FAM107B: variants seen among roughly 807,000 people sequenced by gnomAD.
FAM107B encodes the protein family with sequence similarity 107 member B.
A neutral mutation model predicts 31.5 loss-of-function variants in FAM107B; 21 were observed. That is an observed-to-expected ratio of 0.67 (90% CI 0.47 to 0.96). The LOEUF (loss-of-function observed/expected upper bound fraction) is 0.96. Among genes scored for constraint, FAM107B ranks in the 40% least tolerant of loss-of-function variants. FAM107B has a pLI of 0.00. For synonymous variants in FAM107B, 157 were observed against 141.5 expected (o/e 1.11, Z -0.78); for missense variants, 452 against 377.1 (o/e 1.20, Z -1.64).
At chr10:14,685,147 T>C (rs150222388) in intron 1 of FAM107B, among the ~76,000 whole-genome samples, 5 of 146,566 alleles carry the variant, frequency 3.4e-5, no homozygotes, top group African/African-American at 1.3e-4. Context: ...CTTTTATTTT[T>C]TTTTTTTTTT....
chr10:14,525,565 C>A (rs757914441), intron 3 of FAM107B, among the ~76,000 whole-genome samples: 4 of 152,218 alleles, frequency 2.6e-5, no homozygotes, highest in Non-Finnish European at 5.9e-5. Context: ...TACCCATCAA[C>A]CCCTACCTAT....
At chr10:14,628,121 T>TG (rs1554841911) in intron 2 of FAM107B, among the ~76,000 whole-genome samples, 26 of 121,820 alleles carry the variant, frequency 2.1e-4, no homozygotes, top group East Asian at 5.2e-4. Flanking sequence ...GGTTTTTTTT[T>TG]TTTTTTTTTT....
chr10:14,623,288 G>A (rs1435246057), intron 2 of FAM107B, among the ~76,000 whole-genome samples: 1 of 152,208 alleles, frequency 6.6e-6, no homozygotes, highest in Non-Finnish European at 1.5e-5. Context: ...ACAGAAGTAG[G>A]TGGAGGACAG....
At chr10:14,725,547 T>G (rs545894592) in intron 1 of FAM107B, among the ~76,000 whole-genome samples, 2 of 152,122 alleles carry the variant, frequency 1.3e-5, no homozygotes, top group South Asian at 4.2e-4. Flanking sequence ...AAGACCCCCT[T>G]CCTGGTTTGC....
At chr10:14,616,605 C>G (rs1364290835) in intron 2 of FAM107B, among the ~76,000 whole-genome samples, 2 of 152,154 alleles carry the variant, frequency 1.3e-5, no homozygotes, top group Non-Finnish European at 2.9e-5. Flanking sequence ...AGAGTAAGAA[C>G]AGCAATAATG....
chr10:14,620,891 A>G (rs1331575811), intron 2 of FAM107B, among the ~76,000 whole-genome samples: 1 of 152,238 alleles, frequency 6.6e-6, no homozygotes, highest in Non-Finnish European at 1.5e-5. Context: ...TTTCCAGCAT[A>G]CAAACCTTAC....
intron 3 of FAM107B, among the ~76,000 whole-genome samples, chr10:14,522,441 T>C (rs1262406730): frequency 2.0e-5 from 3 of 146,774 alleles, no homozygotes; most frequent in Non-Finnish European, 3.0e-5. Flanking sequence ...TGAGACAGAG[T>C]CTCACTCTGT....
intron 2 of FAM107B, among the ~76,000 whole-genome samples, chr10:14,568,450 A>G (rs58579544): frequency 0.021 from 343 of 16,224 alleles, 2 homozygotes; most frequent in South Asian, 0.035. Flanking sequence ...TACTCAGGTA[A>G]GAGGAGGCTG....
At chr10:14,554,798 A>G (rs1378970863) in intron 2 of FAM107B, among the ~76,000 whole-genome samples, 1 of 152,224 alleles carries the variant, frequency 6.6e-6, no homozygotes, top group Non-Finnish European at 1.5e-5. Context: ...CTCTACCAAA[A>G]AAGTGGGTGA....
chr10:14,758,959 ACCT>A (rs1421086997), intron 1 of FAM107B, among the ~76,000 whole-genome samples: 1 of 150,540 alleles, frequency 6.6e-6, no homozygotes, highest in African/African-American at 2.4e-5. Context: ...CAGGTGGATC[ACCT>A]GAGGTTGGGA....
At chr10:14,627,498 G>A (rs946073602) in intron 2 of FAM107B, among the ~76,000 whole-genome samples, 4 of 152,218 alleles carry the variant, frequency 2.6e-5, no homozygotes, top group Non-Finnish European at 5.9e-5. Context: ...GTGAGGCTGG[G>A]TGCAATGGCT....
intron 3 of FAM107B, among the ~76,000 whole-genome samples, chr10:14,523,579 T>G (rs1415924074): frequency 6.6e-6 from 1 of 152,150 alleles, no homozygotes; most frequent in Non-Finnish European, 1.5e-5. Flanking sequence ...GGTTGTTCTC[T>G]AAACGACTCC....
chr10:14,539,927 G>C (rs980366638), intron 2 of FAM107B, among the ~76,000 whole-genome samples: 3 of 152,174 alleles, frequency 2.0e-5, no homozygotes, highest in Non-Finnish European at 2.9e-5. Flanking sequence ...AGTAGTACCT[G>C]GTGGGAGAGA....
chr10:14,531,194 C>T (rs541664240), intron 2 of FAM107B, among the ~76,000 whole-genome samples: 99 of 152,332 alleles, frequency 6.5e-4, no homozygotes, highest in African/African-American at 2.4e-3. Flanking sequence ...CTGCCTGCTT[C>T]GCCCACCGCT....
At chr10:14,694,216 T>A (rs972431443) in intron 1 of FAM107B, among the ~76,000 whole-genome samples, 3 of 152,218 alleles carry the variant, frequency 2.0e-5, no homozygotes, top group Admixed American at 6.5e-5. Context: ...TGATTTCATT[T>A]CCCTTGGATA....
At chr10:14,607,622 T>A (rs1000127281) in intron 2 of FAM107B, among the ~76,000 whole-genome samples, 1 of 152,208 alleles carries the variant, frequency 6.6e-6, no homozygotes, top group Non-Finnish European at 1.5e-5. Context: ...ATACTGTAGA[T>A]TTCACATTCT....
rs181865332 is a variant in FAM107B, at chr10:14,641,854, T to G, written c.469+25780A>C. Reference sequence around the variant, plus strand: ...TCCCCAAATTCATATCCTTCTTGTATGCAAAATATATTCATTCCATTTCAA... The same window carrying G: ...TCCCCAAATTCATATCCTTCTTGTAGGCAAAATATATTCATTCCATTTCAA... On this transcript the variant is annotated intron_variant, in intron 2 of 4. Coordinates refer to ENST00000181796, the MANE Select transcript of FAM107B (RefSeq NM_031453.4). Among the ~76,000 whole-genome samples the G allele has an allele frequency of 1.5e-3, 224 of 152,334 alleles. 3 individuals carry two copies. Among genetic ancestry groups the G allele is most frequent in the Non-Finnish European group, 4.6e-4 (31 of 68,034 alleles).
intron 2 of FAM107B, among the ~76,000 whole-genome samples, chr10:14,530,829 G>A (rs7922465): frequency 2.0e-5 from 3 of 152,086 alleles, no homozygotes; most frequent in Non-Finnish European, 4.4e-5. Context: ...TCTCCATATC[G>A]ACCTCAGAAC....
intron 1 of FAM107B, among the ~76,000 whole-genome samples, chr10:14,669,510 A>G (rs1250115686): frequency 9.2e-5 from 14 of 152,358 alleles, no homozygotes; most frequent in Non-Finnish European, 2.9e-5. Flanking sequence ...CCATCGCCAG[A>G]TAAACGGATA....
Sources: allele counts gnomAD v4.1 joint callset (sites outside exome capture counted in the v4.1 genomes callset), GRCh38; gene constraint gnomAD v4.1.1; transcripts MANE v1.5; gene names NCBI Gene and HGNC (gene_info 2026-07-23, HGNC 2026-07-21).